The following SDK1 variants were observed in gnomAD, a reference collection of about 807,000 sequenced individuals.
SDK1 encodes sidekick cell adhesion molecule 1.
SDK1 carries 157 observed loss-of-function variants against 245.5 expected under a neutral mutation model. The observed-to-expected ratio is 0.64, with a 90% CI of 0.56 to 0.73. The LOEUF is 0.73. SDK1 is among the 30% of genes least tolerant of loss of function. The pLI, the probability that SDK1 is intolerant of heterozygous loss-of-function variation, is 0.00. For missense variants in SDK1, 3,583 were observed against 3,002.3 expected (o/e 1.19, Z -4.52); for synonymous variants, 1,647 against 1,278.5 (o/e 1.29, Z -6.15).
chr7:3,803,604 C>G (rs1381127621), intron 4 of SDK1, among the ~76,000 whole-genome samples: 1 of 152,034 alleles, frequency 6.6e-6, no homozygotes, highest in Admixed American at 6.6e-5. Flanking sequence ...AGCCACTGCG[C>G]CTGTTACACT....
intron 1 of SDK1, among the ~76,000 whole-genome samples, chr7:3,389,642 G>T (rs1781696561): frequency 1.3e-5 from 2 of 152,200 alleles, no homozygotes; most frequent in South Asian, 4.1e-4. Context: ...GCTCAAGTCT[G>T]TAGTCCAAGC....
intron 1 of SDK1, among the ~76,000 whole-genome samples, chr7:3,539,789 A>G (rs1401045782): frequency 1.3e-5 from 2 of 152,208 alleles, no homozygotes; most frequent in Non-Finnish European, 2.9e-5. Context: ...TCACCAACTC[A>G]GTGCTTACAG....
At chr7:3,898,635 C>A (rs1214975161) in intron 5 of SDK1, among the ~76,000 whole-genome samples, 9 of 152,148 alleles carry the variant, frequency 5.9e-5, no homozygotes, top group African/African-American at 2.2e-4. Flanking sequence ...AGCAGCATCT[C>A]AGGAATTCTC....
intron 13 of SDK1, among the ~76,000 whole-genome samples, chr7:3,975,634 T>C (rs1782863497): frequency 6.6e-6 from 1 of 152,190 alleles, no homozygotes; most frequent in East Asian, 1.9e-4. Context: ...ATGAGTGAAC[T>C]CACAAACAGC....
chr7:3,705,431 A>AT (rs1334133835), intron 4 of SDK1, among the ~76,000 whole-genome samples: 1 of 35,006 alleles, frequency 2.9e-5, no homozygotes, highest in Non-Finnish European at 4.3e-5. Flanking sequence ...TAGTGATTTT[A>AT]TTTTATTTTA....
chr7:4,106,467 T>C (rs894187926), intron 22 of SDK1, among the ~76,000 whole-genome samples: 3 of 151,886 alleles, frequency 2.0e-5, no homozygotes, highest in Non-Finnish European at 4.4e-5. Context: ...CCACGCCTTT[T>C]TTGTATTTTT....
chr7:3,445,875 T>A (rs1400265220), intron 1 of SDK1, among the ~76,000 whole-genome samples: 1 of 152,168 alleles, frequency 6.6e-6, no homozygotes, highest in East Asian at 1.9e-4. Context: ...TTCCTGATGT[T>A]CTAATATTCT....
chr7:3,884,602 A>C (rs945916690), intron 5 of SDK1, among the ~76,000 whole-genome samples: 7 of 152,136 alleles, frequency 4.6e-5, no homozygotes, highest in African/African-American at 1.7e-4. Flanking sequence ...ATCTTTGAGC[A>C]CATATTGTGT....
At chr7:3,365,927 C>T (rs1018927379) in intron 1 of SDK1, among the ~76,000 whole-genome samples, 1 of 151,728 alleles carries the variant, frequency 6.6e-6, no homozygotes, top group East Asian at 1.9e-4. Flanking sequence ...TAATCCCAGC[C>T]ACTTGGGAGG....
At chr7:4,235,216 G>A (rs1474403920) in intron 41 of SDK1, among the ~76,000 whole-genome samples, 1 of 150,664 alleles carries the variant, frequency 6.6e-6, no homozygotes, top group Non-Finnish European at 1.5e-5. Flanking sequence ...CCAGGCTGGA[G>A]TGCAGTGGCG....
chr7:3,496,924 A>C (rs900520658), intron 1 of SDK1, among the ~76,000 whole-genome samples: 1 of 152,162 alleles, frequency 6.6e-6, no homozygotes, highest in African/African-American at 2.4e-5. Flanking sequence ...ACCTGATTTA[A>C]TTGTGGTTGT....
intron 38 of SDK1, among the ~76,000 whole-genome samples, chr7:4,215,289 G>T (rs1307683777): frequency 6.6e-6 from 1 of 152,196 alleles, no homozygotes; most frequent in African/African-American, 2.4e-5. Flanking sequence ...GGTGAAGGTG[G>T]AGGTGGCAGA....
chr7:4,014,635 C>CAAAA (rs1786253104), intron 16 of SDK1, among the ~76,000 whole-genome samples: 1 of 152,066 alleles, frequency 6.6e-6, no homozygotes. Context: ...GTAGTTAGGA[C>CAAAA]GCGTGTGCAG....
At chr7:3,973,923 T>C (rs1040299477) in intron 12 of SDK1, among the ~76,000 whole-genome samples, 2 of 152,100 alleles carry the variant, frequency 1.3e-5, no homozygotes, top group Non-Finnish European at 2.9e-5. Flanking sequence ...GACTCAGGCC[T>C]GTAATCCCAG....
At chr7:3,795,937 T>G (rs904397648) in intron 4 of SDK1, among the ~76,000 whole-genome samples, 3 of 152,188 alleles carry the variant, frequency 2.0e-5, no homozygotes, top group African/African-American at 7.2e-5. Flanking sequence ...TAATGATTCA[T>G]GATCAGATGC....
intron 5 of SDK1, among the ~76,000 whole-genome samples, chr7:3,882,014 C>T (rs150412446): frequency 0.013 from 1,939 of 152,256 alleles, 16 homozygotes; most frequent in South Asian, 0.021. Flanking sequence ...CACAGTTCCA[C>T]ATAGCTGGGG....
At chr7:3,709,143 A>G (rs1562387096) in intron 4 of SDK1, among the ~76,000 whole-genome samples, 2 of 152,208 alleles carry the variant, frequency 1.3e-5, no homozygotes, top group African/African-American at 2.4e-5. Flanking sequence ...GGTAGTGACA[A>G]ATTCTCTCAG....
At chr7:3,945,890 CTCTG>C (rs1311292348) in intron 5 of SDK1, among the ~76,000 whole-genome samples, 1 of 80,000 alleles carries the variant, frequency 1.3e-5, no homozygotes. Flanking sequence ...CAGAGCAAGA[CTCTG>C]TCTGTAAAAA....
chr7:3,838,684 A>G (rs1158243822), intron 5 of SDK1, among the ~76,000 whole-genome samples: 1 of 152,146 alleles, frequency 6.6e-6, no homozygotes, highest in African/African-American at 2.4e-5. Context: ...GATCTGAGGG[A>G]GCTGATGGGA....
Sources: allele counts gnomAD v4.1 joint callset (sites outside exome capture counted in the v4.1 genomes callset), GRCh38; gene constraint gnomAD v4.1.1; transcripts MANE v1.5; gene names NCBI Gene and HGNC (gene_info 2026-07-23, HGNC 2026-07-21).